ABCB5: variants seen among roughly 807,000 people sequenced by gnomAD.
The protein encoded by ABCB5 is ATP-binding cassette sub-family B member 5.
A neutral mutation model predicts 144.2 loss-of-function variants in ABCB5; 155 were observed. That is an observed-to-expected ratio of 1.08 (90% CI 0.94 to 1.23). ABCB5 has a LOEUF of 1.23. Among genes scored for constraint, ABCB5 ranks in the 50% most tolerant of loss-of-function variants. The pLI is 0.00. For missense variants in ABCB5, 1,830 were observed against 1,520.8 expected (o/e 1.20, Z -3.38); for synonymous variants, 610 against 528.6 (o/e 1.15, Z -2.11).
intron 1 of ABCB5, among the ~76,000 whole-genome samples, chr7:20,619,592 T>C (rs538215672): frequency 6.6e-6 from 1 of 152,264 alleles, no homozygotes; most frequent in Admixed American, 6.5e-5. Flanking sequence ...CTTTGTAGGA[T>C]GCAGAGTTTG....
chr7:20,659,394 GT>G (rs142562743), intron 14 of ABCB5: 251,932 of 1,184,944 alleles, frequency 0.21, 27,787 homozygotes, highest in African/African-American at 0.33. Flanking sequence ...TGAGTTAAGC[GT>G]TTTTTTTTCT....
rs199902639 is a variant in ABCB5 at position 20,700,074 on chromosome 7, G to C, written c.2276G>C (p.Arg759Thr). 3.7e-5 allele frequency: 60 copies of C among 1,613,684 alleles called. No individual in the cohort carries two copies. Among genetic ancestry groups the C allele is most frequent in the Non-Finnish European group, 4.8e-5 (57 of 1,179,840 alleles). The change falls in exon 19 of 28, where the codon AGA (arginine) becomes ACA (threonine). Residue 759 changes from arginine (R) to threonine (T), a missense_variant. Transcript: ENST00000404938. ...GCTTTTCAGGGATTATTTTACGGCA[G>C]AGCAGGGGAAATTTTAACGATGAGA... is the stretch of plus-strand genomic sequence containing the variant. ...SYFMQGLFYG[R>T]AGEILTMRLR...
chr7:20,658,235 T>A (rs2128029537), intron 13 of ABCB5, among the ~76,000 whole-genome samples: 1 of 152,222 alleles, frequency 6.6e-6, no homozygotes, highest in Non-Finnish European at 1.5e-5. Flanking sequence ...GTTTAAATTA[T>A]TATTAATTTT....
At chr7:20,696,062 G>C (rs1210612719) in intron 16 of ABCB5, among the ~76,000 whole-genome samples, 3 of 152,148 alleles carry the variant, frequency 2.0e-5, no homozygotes, top group Non-Finnish European at 4.4e-5. Context: ...TTCATTTCTA[G>C]ATATTTGCTC....
intron 3 of ABCB5, among the ~76,000 whole-genome samples, chr7:20,627,888 C>G (rs1783944716): frequency 1.3e-5 from 2 of 152,154 alleles, no homozygotes; most frequent in Non-Finnish European, 2.9e-5. Context: ...TTGTTGCAGT[C>G]TTCAGAATAT....
chr7:20,630,835 T>C (rs571954198), intron 4 of ABCB5, among the ~76,000 whole-genome samples: 7 of 141,390 alleles, frequency 5.0e-5, no homozygotes, highest in African/African-American at 2.0e-4. Context: ...CTAATTGCTA[T>C]TGCTGTGAAT....
chr7:20,685,813 G>A lies in ABCB5; in HGVS notation c.1987G>A (p.Glu663Lys), dbSNP rs150248488. ...CAAGTCAGACTTCATTGACAAGGCTGAGGAATCCACCCAATCTAAAGAGGT... is the reference window on the plus strand; with the variant it reads ...CAAGTCAGACTTCATTGACAAGGCTAAGGAATCCACCCAATCTAAAGAGGT... ...SIKSDFIDKA[E>K]ESTQSKEISL... The change falls in exon 16 of 28, where the codon GAG becomes AAG. Residue 663 changes from glutamate (E) to lysine (K), a missense_variant. Coordinates refer to ENST00000404938, the MANE Select transcript of ABCB5 (RefSeq NM_001163941.2). The A allele has an allele frequency of 1.9e-6, 3 of 1,611,582 alleles. No individual in the cohort carries two copies. The highest frequency in any genetic ancestry group is 2.5e-6 in the Non-Finnish European group (3 of 1,179,386).
Position 20,699,839 on chromosome 7 carries a change from T to G in ABCB5, c.2169T>G (p.Asn723Lys). The change falls in exon 18 of 28, where the codon AAT becomes AAG. Residue 723 changes from asparagine to lysine, a missense_variant. Transcript: ENST00000404938. Reference sequence around the variant, plus strand: ...TTCCTTTTCAGATGTTTGGAAATAATGATAAAACCACATTAAAGCATGATG... The same window carrying G: ...TTCCTTTTCAGATGTTTGGAAATAAGGATAAAACCACATTAAAGCATGATG... Reference protein sequence around the residue: ...FAKIITMFGNNDKTTLKHDAE... With the variant: ...FAKIITMFGNKDKTTLKHDAE... 1 of 1,602,580 alleles carries G rather than the reference T, an allele frequency of 6.2e-7. No individual in the cohort carries two copies. The highest frequency in any genetic ancestry group is 1.1e-5 in the South Asian group (1 of 88,252).
At chr7:20,642,058 T>C (rs1239434353) in intron 5 of ABCB5, 2 of 152,250 alleles carry the variant, frequency 1.3e-5, no homozygotes, top group Non-Finnish European at 2.9e-5. Flanking sequence ...TTAACAGAAC[T>C]TCCTGCTTCC....
chr7:20,677,307 C>T (rs1038113906), intron 14 of ABCB5, among the ~76,000 whole-genome samples: 18 of 152,120 alleles, frequency 1.2e-4, no homozygotes, highest in Non-Finnish European at 2.4e-4. Context: ...GTCCATTCTA[C>T]CTACTTTTTG....
At chr7:20,745,530 G>T (rs1782692825) in intron 26 of ABCB5, 92 bp downstream of exon 26, 3 of 1,112,014 alleles carry the variant, frequency 2.7e-6, no homozygotes, top group African/African-American at 1.6e-5. Flanking sequence ...GTATTCCTTG[G>T]ATTATACAAT....
intron 20 of ABCB5, among the ~76,000 whole-genome samples, chr7:20,714,955 ACTT>A (rs967351954): frequency 3.3e-5 from 5 of 152,176 alleles, no homozygotes; most frequent in African/African-American, 1.2e-4. Context: ...AAGTATTTCT[ACTT>A]CTTTCCCTAA....
rs773162567 is a variant in ABCB5 at position 20,742,931 on chromosome 7, C to T, written c.3079C>T (p.Arg1027Cys). ...FREVSFFYPCRPDVFILRGLS... is the reference protein window; with the variant it reads ...FREVSFFYPCCPDVFILRGLS... Reference sequence around the variant, plus strand: ...AGAAGTCTCTTTCTTCTATCCATGTCGCCCAGATGTTTTCATCCTCCGTGG... The same window carrying T: ...AGAAGTCTCTTTCTTCTATCCATGTTGCCCAGATGTTTTCATCCTCCGTGG... Residue 1027 changes from arginine to cysteine, a missense_variant, in exon 25 of 28, where the codon CGC (arginine) becomes TGC (cysteine). By Grantham distance (180) the Arg-to-Cys change is radical. Coordinates refer to ENST00000404938, the MANE Select transcript of ABCB5 (RefSeq NM_001163941.2). 1.5e-5 allele frequency: 24 copies of T among 1,614,034 alleles called. No individual in the cohort carries two copies. Among genetic ancestry groups the T allele is most frequent in the Admixed American group, 5.0e-5 (3 of 60,010 alleles).
At chr7:20,714,502 C>T (rs1184827959) in intron 20 of ABCB5, among the ~76,000 whole-genome samples, 1 of 152,040 alleles carries the variant, frequency 6.6e-6, no homozygotes, top group Non-Finnish European at 1.5e-5. Context: ...TCTTGTAGTA[C>T]TCCTCGAGGC....
intron 20 of ABCB5, among the ~76,000 whole-genome samples, chr7:20,718,393 T>TA (rs912953802): frequency 1.3e-5 from 2 of 152,244 alleles, no homozygotes; most frequent in Non-Finnish European, 2.9e-5. Flanking sequence ...CCATGGTTCT[T>TA]AGAGTTAGTG....
At chr7:20,711,829 TTTC>T (rs1469342057) in intron 20 of ABCB5, among the ~76,000 whole-genome samples, 640 of 56,744 alleles carry the variant, frequency 0.011, 108 homozygotes, top group African/African-American at 0.086. Flanking sequence ...TCTTTCTTTC[TTTC>T]TTTCTTTCTT....
intron 4 of ABCB5, among the ~76,000 whole-genome samples, chr7:20,629,318 A>G (rs968151156): frequency 2.6e-5 from 4 of 152,116 alleles, no homozygotes; most frequent in African/African-American, 9.7e-5. Context: ...CCATTTGCTG[A>G]CGTTACGTAG....
At chr7:20,644,482 G>T (rs1252227638) in intron 7 of ABCB5, among the ~76,000 whole-genome samples, 1 of 152,140 alleles carries the variant, frequency 6.6e-6, no homozygotes, top group Non-Finnish European at 1.5e-5. Context: ...AACAAATTAT[G>T]TACTCGCATT....
rs1262209045 is a variant in ABCB5 at position 20,636,277 on chromosome 7, A to C, written c.314+4164A>C. 3.3e-5 allele frequency among the ~76,000 whole-genome samples: 5 copies of C among 152,144 alleles called. No homozygotes were observed. The East Asian group carries it at 9.6e-4, about 29-fold the overall frequency. ...GTATTAAAGCAGGGCTCTGATGTAC[A>C]GTCACGAAGGATACTTTTTTTTACA... is the stretch of plus-strand genomic sequence containing the variant. On this transcript the variant is annotated intron_variant, in intron 5 of 27. Coordinates refer to ENST00000404938, the MANE Select transcript of ABCB5 (RefSeq NM_001163941.2).
Sources: allele counts gnomAD v4.1 joint callset (sites outside exome capture counted in the v4.1 genomes callset), GRCh38; gene constraint gnomAD v4.1.1; transcripts MANE v1.5; gene names NCBI Gene and HGNC (gene_info 2026-07-23, HGNC 2026-07-21).